The following ZFYVE16 variants were observed in gnomAD, a reference collection of about 807,000 sequenced individuals.
ZFYVE16 encodes zinc finger FYVE-type containing 16.
A neutral mutation model predicts 138.1 loss-of-function variants in ZFYVE16; 89 were observed. The observed-to-expected ratio is 0.64, with a 90% CI of 0.54 to 0.77. ZFYVE16 has a LOEUF of 0.77. ZFYVE16 is among the 30% of genes least tolerant of loss of function. ZFYVE16 has a pLI of 0.00. For synonymous variants in ZFYVE16, 596 were observed against 618.3 expected (o/e 0.96, Z 0.53); for missense variants, 1,793 against 1,786.7 (o/e 1.00, Z -0.06).
In ZFYVE16 at chr5:80,438,992, C is replaced by T. The variant is rs1750346395; in HGVS notation, c.2307C>T (p.Cys769=). ...KFTFTKRRHH[C]RACGKVFCGV... is the part of the protein sequence containing the mutation. ...CTTTTACCAAACGGCGACACCATTG[C>T]CGAGCATGTGGGAAAGTAAGTTATA... is the stretch of plus-strand genomic sequence containing the variant. Residue 769 remains cysteine, a synonymous_variant, in exon 4 of 19, where the codon TGC becomes TGT. Transcript: ENST00000505560. 5.6e-6 allele frequency: 9 copies of T among 1,606,024 alleles called. No homozygotes were observed. The highest frequency in any genetic ancestry group is 7.7e-6 in the Non-Finnish European group (9 of 1,175,996).
chr5:80,410,594 CAG>C (rs1161780580), intron 1 of ZFYVE16, among the ~76,000 whole-genome samples: 1 of 151,232 alleles, frequency 6.6e-6, no homozygotes, highest in African/African-American at 2.4e-5. Context: ...TTTTTTAAGA[CAG>C]AGTCTCGCTC....
chr5:80,445,330 A>G lies in ZFYVE16; in HGVS notation c.2649A>G (p.Ala883=), dbSNP rs1464152576. Residue 883 remains alanine, a synonymous_variant, in exon 7 of 19, where the codon GCA becomes GCG. Coordinates refer to ENST00000505560, the MANE Select transcript of ZFYVE16 (RefSeq NM_001284236.3). ...ADGILPNGEV[A]DTTKLSSGSK... ...GTATATTGCCCAATGGTGAAGTTGC[A>G]GATACAACAAAATTATCATCTGGAA... 2 of 1,614,024 alleles carry G rather than the reference A, an allele frequency of 1.2e-6. No individual in the cohort carries two copies. Among genetic ancestry groups the G allele is most frequent in the East Asian group, 4.5e-5 (2 of 44,832 alleles).
chr5:80,409,955 A>G (rs906354843), intron 1 of ZFYVE16: 6 of 152,170 alleles, frequency 3.9e-5, no homozygotes, highest in South Asian at 2.1e-4. Context: ...TAGAATTGCT[A>G]GGTCATAGAG....
At chr5:80,434,954 C>T (rs551777580) in intron 3 of ZFYVE16, among the ~76,000 whole-genome samples, 9 of 152,192 alleles carry the variant, frequency 5.9e-5, no homozygotes, top group East Asian at 3.9e-4. Context: ...CTCCACTTCC[C>T]GGGTTCAAGC....
At position 80,477,425 on chromosome 5, in the gene ZFYVE16, A is replaced by T; in HGVS notation, c.*48A>T. On this transcript the variant is annotated 3_prime_UTR_variant, in exon 19 of 19. Coordinates refer to ENST00000505560, the MANE Select transcript of ZFYVE16 (RefSeq NM_001284236.3). ...TATTGCAACCTAATTTGTTAAAACTAACTCCAGCACTAAAGCTGAAATGCC... is the reference window on the plus strand; with the variant it reads ...TATTGCAACCTAATTTGTTAAAACTTACTCCAGCACTAAAGCTGAAATGCC... 6.4e-7 allele frequency: 1 copy of T among 1,551,894 alleles called. No homozygotes were observed. The highest frequency in any genetic ancestry group is 1.2e-5 in the South Asian group (1 of 84,068).
chr5:80,472,859 G>A lies in ZFYVE16; in HGVS notation c.4123G>A (p.Ala1375Thr). ...DFKITCGKVD[A>T]VDLREYVDIC... ...TAAAATTACATGTGGGAAAGTTGAT[G>A]CAGTAGACCTGAGAGAATACGTGGA... The change falls in exon 16 of 19, where the codon GCA becomes ACA. Residue 1375 changes from alanine to threonine, a missense_variant. Coordinates refer to ENST00000505560, the MANE Select transcript of ZFYVE16 (RefSeq NM_001284236.3). The A allele has an allele frequency of 6.2e-7, 1 of 1,613,994 alleles. No individual in the cohort carries two copies. The highest frequency in any genetic ancestry group is 1.1e-5 in the South Asian group (1 of 91,074).
In ZFYVE16 at chr5:80,448,106, G is replaced by C; in HGVS notation, c.2805G>C (p.Glu935Asp). 4 of 1,613,790 alleles carry C rather than the reference G, an allele frequency of 2.5e-6. No homozygotes were observed. In the South Asian group the frequency reaches 4.4e-5, roughly 18 times the overall value. Residue 935 changes from glutamate (E) to aspartate (D), a missense_variant, in exon 8 of 19, where the codon GAG becomes GAC. Transcript: ENST00000505560. The stretch of plus-strand genomic sequence containing the variant: ...AGACAGGAGATATTACAAGAAATGA[G>C]ATAATTCAGAGTCCTATTTCTCAGG... ...NNETGDITRN[E>D]IIQSPISQVP...
In ZFYVE16 at chr5:80,436,741, G is replaced by A. The variant is rs777550281; in HGVS notation, c.71-15G>A. 1.9e-6 allele frequency: 3 copies of A among 1,588,032 alleles called. No individual in the cohort carries two copies. The highest frequency in any genetic ancestry group is 2.6e-6 in the Non-Finnish European group (3 of 1,165,382). ...TGATTTAAGTCTCCCGAATAACACTGTTTCTCTATTTCAGATGAACAAGAT... is the reference window on the plus strand; with the variant it reads ...TGATTTAAGTCTCCCGAATAACACTATTTCTCTATTTCAGATGAACAAGAT... On this transcript the variant is annotated splice_polypyrimidine_tract_variant and intron_variant, in intron 3 of 18. Coordinates refer to ENST00000505560, the MANE Select transcript of ZFYVE16 (RefSeq NM_001284236.3).
intron 15 of ZFYVE16, among the ~76,000 whole-genome samples, chr5:80,471,903 C>T (rs1217926930): frequency 6.6e-6 from 1 of 152,150 alleles, no homozygotes; most frequent in African/African-American, 2.4e-5. Flanking sequence ...TTTGACAGTA[C>T]TCAGTCTTCA....
At chr5:80,434,293 A>G in intron 3 of ZFYVE16, 76 bp downstream of exon 3, 1 of 1,439,770 alleles carries the variant, frequency 6.9e-7, no homozygotes, top group Non-Finnish European at 9.6e-7. Flanking sequence ...GTATACAGTA[A>G]TATTAGCAAA....
chr5:80,437,138 A>G lies in ZFYVE16; in HGVS notation c.453A>G (p.Pro151=). 1 of 1,613,968 alleles carries G rather than the reference A, an allele frequency of 6.2e-7. No individual in the cohort carries two copies. The highest frequency in any genetic ancestry group is 8.5e-7 in the Non-Finnish European group (1 of 1,179,918). The part of the protein sequence containing the change: ...NSEEDIKKLL[P]DDFKSNADSL... ...AAGAAGATATTAAAAAATTATTGCC[A>G]GATGATTTTAAGTCTAATGCAGATT... is the stretch of plus-strand genomic sequence containing the variant. Residue 151 remains proline (P), a synonymous_variant, in exon 4 of 19, where the codon CCA becomes CCG. Transcript: ENST00000505560.
At chr5:80,449,494 A>G in intron 8 of ZFYVE16, 97 bp from the exon 9 acceptor site, 1 of 1,273,988 alleles carries the variant, frequency 7.8e-7, no homozygotes, top group Non-Finnish European at 1.1e-6. Flanking sequence ...TTTAAATTTG[A>G]TCAGGCCACT....
At chr5:80,415,703 T>C (rs1746111804) in intron 1 of ZFYVE16, among the ~76,000 whole-genome samples, 1 of 152,102 alleles carries the variant, frequency 6.6e-6, no homozygotes, top group Non-Finnish European at 1.5e-5. Flanking sequence ...AGTCTCCCTC[T>C]ATCACCCAGG....
Position 80,445,332 on chromosome 5 carries a change from A to G in ZFYVE16, c.2651A>G (p.Asp884Gly). Reference protein sequence around the residue: ...DGILPNGEVADTTKLSSGSKR... With the variant: ...DGILPNGEVAGTTKLSSGSKR... ...ATATTGCCCAATGGTGAAGTTGCAGATACAACAAAATTATCATCTGGAAGT... is the reference window on the plus strand; with the variant it reads ...ATATTGCCCAATGGTGAAGTTGCAGGTACAACAAAATTATCATCTGGAAGT... Residue 884 changes from aspartate to glycine, a missense_variant, in exon 7 of 19, where the codon GAT (aspartate) becomes GGT (glycine). Coordinates refer to ENST00000505560, the MANE Select transcript of ZFYVE16 (RefSeq NM_001284236.3). The G allele has an allele frequency of 1.2e-6, 2 of 1,614,028 alleles. No individual in the cohort carries two copies. Among genetic ancestry groups the G allele is most frequent in the Non-Finnish European group, 1.7e-6 (2 of 1,179,948 alleles).
At chr5:80,433,609 C>T (rs1180272289) in intron 2 of ZFYVE16, among the ~76,000 whole-genome samples, 1 of 151,558 alleles carries the variant, frequency 6.6e-6, no homozygotes, top group Non-Finnish European at 1.5e-5. Flanking sequence ...ATAAAAAAAA[C>T]TCCAGAGAAG....
chr5:80,474,951 T>TAC, intron 18 of ZFYVE16, 121 bp downstream of exon 18: 1 of 1,040,706 alleles, frequency 9.6e-7, no homozygotes, highest in South Asian at 1.7e-5. Context: ...AAATGTGTGC[T>TAC]ACACACTTCA....
chr5:80,408,051 G>C (rs897667789), upstream of ZFYVE16: 4 of 152,324 alleles, frequency 2.6e-5, no homozygotes, highest in Non-Finnish European at 4.4e-5. Flanking sequence ...GAAGCCCTGA[G>C]CCGGGATCTG....
At chr5:80,441,224 A>T (rs1750674145) in intron 5 of ZFYVE16, 2 of 985,330 alleles carry the variant, frequency 2.0e-6, no homozygotes, top group African/African-American at 3.5e-5. Flanking sequence ...ATCCATGAAG[A>T]TTTGAAACGT....
intron 1 of ZFYVE16, among the ~76,000 whole-genome samples, chr5:80,424,828 C>T (rs1355830014): frequency 6.6e-6 from 1 of 152,118 alleles, no homozygotes; most frequent in Non-Finnish European, 1.5e-5. Flanking sequence ...GTGGTATAAC[C>T]ACAATTTAAA....
Sources: allele counts gnomAD v4.1 joint callset (sites outside exome capture counted in the v4.1 genomes callset), GRCh38; gene constraint gnomAD v4.1.1; transcripts MANE v1.5; gene names NCBI Gene and HGNC (gene_info 2026-07-23, HGNC 2026-07-21).